The following PDE11A variants were observed in gnomAD, a reference collection of about 807,000 sequenced individuals.
The protein encoded by PDE11A is phosphodiesterase 11A.
PDE11A carries 100 observed loss-of-function variants against 100.5 expected under a neutral mutation model. The observed-to-expected ratio is 1.00, with a 90% CI of 0.85 to 1.18. PDE11A has a LOEUF of 1.18. Among genes scored for constraint, PDE11A ranks in the 50% most tolerant of loss-of-function variants. The pLI is 0.00. For missense variants in PDE11A, 1,141 were observed against 1,152.6 expected (o/e 0.99, Z 0.15); for synonymous variants, 381 against 420.8 (o/e 0.91, Z 1.16).
intron 2 of PDE11A, among the ~76,000 whole-genome samples, chr2:177,977,391 G>A (rs1184646842): frequency 6.9e-6 from 1 of 145,420 alleles, no homozygotes; most frequent in Non-Finnish European, 1.5e-5. Context: ...GGGATGTGAA[G>A]GACCTCTTCA....
chr2:177,859,221 A>T (rs986220123), intron 5 of PDE11A, among the ~76,000 whole-genome samples: 2 of 152,064 alleles, frequency 1.3e-5, no homozygotes, highest in Non-Finnish European at 2.9e-5. Context: ...TGTTGTGCAC[A>T]TGTACCCTAA....
intron 2 of PDE11A, among the ~76,000 whole-genome samples, chr2:177,957,448 G>C (rs762502778): frequency 6.6e-6 from 1 of 151,906 alleles, no homozygotes; most frequent in Non-Finnish European, 1.5e-5. Flanking sequence ...ACTTCCCCTG[G>C]GTAATGTTGC....
chr2:177,675,290 A>G (rs1261892833), intron 17 of PDE11A, among the ~76,000 whole-genome samples, 165 bp downstream of exon 17: 4 of 149,654 alleles, frequency 2.7e-5, no homozygotes, highest in African/African-American at 9.7e-5. Context: ...GCTGTGCAAT[A>G]AACTGTGTCG....
Position 178,104,248 on chromosome 2 carries a change from C to CT in PDE11A, c.162+53dup, listed in dbSNP as rs531892259. The CT allele has an allele frequency of 1.6e-3, 2,412 of 1,511,980 alleles. 2 individuals carry two copies. Among genetic ancestry groups the CT allele is most frequent in the Non-Finnish European group, 1.9e-3 (2,120 of 1,088,312 alleles). The allele number at this position is 1,511,980 out of a possible 1,614,324, so 93.7% of individuals were successfully genotyped here. On this transcript the variant is annotated intron_variant, in intron 2 of 20. Coordinates refer to the PDE11A transcript ENST00000358450. ...AATTATTATAATGCCAAATCATATG[C>CT]TTTATTCTTTCCTACAGTGTATCTG...
intron 19 of PDE11A, among the ~76,000 whole-genome samples, chr2:177,662,806 A>G (rs564153145): frequency 1.4e-5 from 2 of 146,564 alleles, no homozygotes; most frequent in African/African-American, 5.0e-5. Flanking sequence ...GTTATCAAAA[A>G]TTACATATCC....
intron 2 of PDE11A, among the ~76,000 whole-genome samples, chr2:177,966,054 A>C (rs2085693673): frequency 6.6e-6 from 1 of 152,118 alleles, no homozygotes; most frequent in Non-Finnish European, 1.5e-5. Flanking sequence ...CGTAATTCAC[A>C]TTGCAGAGAT....
intron 1 of PDE11A, among the ~76,000 whole-genome samples, chr2:178,063,511 T>C (rs959664248): frequency 1.3e-5 from 2 of 152,168 alleles, no homozygotes; most frequent in Non-Finnish European, 2.9e-5. Flanking sequence ...GGGCAGAGCA[T>C]GGCACAGAAC....
chr2:178,024,176 C>G (rs1008317856), intron 1 of PDE11A, among the ~76,000 whole-genome samples: 5 of 152,108 alleles, frequency 3.3e-5, no homozygotes, highest in African/African-American at 1.2e-4. Flanking sequence ...CTTTGGGAGG[C>G]TGAGGTGGGT....
chr2:178,105,786 C>T (rs1278945436), intron 1 of PDE11A: 14 of 948,088 alleles, frequency 1.5e-5, no homozygotes, highest in Non-Finnish European at 1.9e-5. Context: ...TCCTCCACCC[C>T]TCCCTATCTC....
chr2:178,019,144 A>C (rs1022511629), intron 1 of PDE11A, among the ~76,000 whole-genome samples: 1 of 152,176 alleles, frequency 6.6e-6, no homozygotes, highest in Admixed American at 6.5e-5. Flanking sequence ...AATTTTTGAA[A>C]ATTTCCCCCT....
In PDE11A at chr2:177,919,727, C is replaced by T. The variant is rs538383759; in HGVS notation, c.1072-14540G>A. Among the ~76,000 whole-genome samples the T allele has an allele frequency of 4.6e-5, 7 of 151,752 alleles. No individual in the cohort carries two copies. The South Asian group carries it at 1.5e-3, about 32-fold the overall frequency. On this transcript the variant is annotated intron_variant, in intron 2 of 19. Transcript: ENST00000286063. Reference sequence around the variant, plus strand: ...TATTAAAAAGATATCAATTACCTGTCCAAATTAATCTATAAATTTTATTCT... The same window carrying T: ...TATTAAAAAGATATCAATTACCTGTTCAAATTAATCTATAAATTTTATTCT...
intron 19 of PDE11A, among the ~76,000 whole-genome samples, chr2:177,659,260 T>A: frequency 4.4e-5 from 2 of 45,426 alleles, no homozygotes; most frequent in Non-Finnish European, 4.7e-5. Flanking sequence ...AAATTCTATC[T>A]CAGGGGGAAA....
intron 1 of PDE11A, among the ~76,000 whole-genome samples, chr2:178,105,015 CAT>C (rs1295792828): frequency 6.6e-6 from 1 of 152,110 alleles, no homozygotes; most frequent in Non-Finnish European, 1.5e-5. Flanking sequence ...CTGTATGTAA[CAT>C]AATTTCTCAT....
At chr2:177,744,815 C>G (rs2081924786) in intron 10 of PDE11A, among the ~76,000 whole-genome samples, 1 of 152,184 alleles carries the variant, frequency 6.6e-6, no homozygotes, top group South Asian at 2.1e-4. Context: ...CTCACACGCA[C>G]ATGCACGGAG....
At chr2:177,982,999 G>A (rs2105804368) in intron 2 of PDE11A, among the ~76,000 whole-genome samples, 1 of 150,676 alleles carries the variant, frequency 6.6e-6, no homozygotes, top group Non-Finnish European at 1.5e-5. Flanking sequence ...AGAATCACTT[G>A]AACCTGGGGG....
chr2:177,912,543 C>A (rs1259326383), intron 2 of PDE11A, among the ~76,000 whole-genome samples: 1 of 152,188 alleles, frequency 6.6e-6, no homozygotes, highest in Non-Finnish European at 1.5e-5. Context: ...TCCACCCCCA[C>A]AACTTTAGGG....
chr2:177,746,913 G>A (rs1230219869), intron 10 of PDE11A, among the ~76,000 whole-genome samples: 1 of 152,212 alleles, frequency 6.6e-6, no homozygotes, highest in Admixed American at 6.5e-5. Context: ...AGCATCAAAT[G>A]AGGATTACTG....
At chr2:177,977,766 T>G (rs1185940597) in intron 2 of PDE11A, among the ~76,000 whole-genome samples, 1 of 146,924 alleles carries the variant, frequency 6.8e-6, no homozygotes. Context: ...ACAGAAATAA[T>G]GCCGCATATC....
chr2:177,960,031 T>A lies in PDE11A; in HGVS notation c.1071+54271A>T, dbSNP rs948617705. 1.5e-4 allele frequency among the ~76,000 whole-genome samples: 23 copies of A among 152,112 alleles called. 1 individual carries two copies. The highest frequency in any genetic ancestry group is 1.3e-3 in the Admixed American group (20 of 15,278). On this transcript the variant is annotated intron_variant, in intron 2 of 19. Coordinates refer to ENST00000286063, the MANE Select transcript of PDE11A (RefSeq NM_016953.4). ...ATGTCCTTGCTTACTGATACATAAC[T>A]AAAGGTTTAGAATTAGCCCAGCACC...
Sources: allele counts gnomAD v4.1 joint callset (sites outside exome capture counted in the v4.1 genomes callset), GRCh38; gene constraint gnomAD v4.1.1; transcripts MANE v1.5; gene names NCBI Gene and HGNC (gene_info 2026-07-23, HGNC 2026-07-21).